ALOX5: variants seen among roughly 807,000 people sequenced by gnomAD.
ALOX5 encodes the protein arachidonate 5-lipoxygenase.
Under a neutral mutation model 87.9 loss-of-function variants are expected in ALOX5, and 64 were observed. The ratio of observed to expected loss-of-function variants is 0.73; its 90% CI spans 0.60 to 0.90. The LOEUF (loss-of-function observed/expected upper bound fraction) is 0.90, where lower values mean the gene tolerates loss of function less well. ALOX5 is among the 40% of genes least tolerant of loss of function. The probability of loss-of-function intolerance (pLI) is 0.00; values close to 1 mark genes in which losing one functional copy is unlikely to be tolerated. For missense variants in ALOX5, 822 were observed against 907.5 expected (o/e 0.91, Z 1.21); for synonymous variants, 388 against 355.1 (o/e 1.09, Z -1.04).
At chr10:45,431,108 TTTATGA>T (rs895090198) in intron 7 of ALOX5, among the ~76,000 whole-genome samples, 25 of 152,210 alleles carry the variant, frequency 1.6e-4, no homozygotes, top group African/African-American at 6.0e-4. Flanking sequence ...AAGGATAAAG[TTTATGA>T]TTATATCAAT....
At position 45,443,717 on chromosome 10, in the gene ALOX5, T is replaced by C. The variant is rs1338033424; in HGVS notation, c.1574-11T>C. ...GGACTGGGCCTCAGCCCGCCGGTGG[T>C]TCCACCCTAGGCTTCCCCAAGTCGG... On this transcript the variant is annotated splice_polypyrimidine_tract_variant and intron_variant, in intron 11 of 13. Transcript: ENST00000374391. The C allele has an allele frequency of 1.2e-6, 2 of 1,609,972 alleles. No homozygotes were observed. The highest frequency in any genetic ancestry group is 2.7e-5 in the African/African-American group (2 of 74,684).
At chr10:45,436,156 C>T (rs955991018) in intron 7 of ALOX5, among the ~76,000 whole-genome samples, 5 of 152,126 alleles carry the variant, frequency 3.3e-5, no homozygotes, top group Admixed American at 6.6e-5. Context: ...GGGTATTAGT[C>T]GTTTGTGGAT....
intron 2 of ALOX5, among the ~76,000 whole-genome samples, chr10:45,392,427 G>C (rs2132707304): frequency 6.6e-6 from 1 of 151,580 alleles, no homozygotes; most frequent in East Asian, 1.9e-4. Flanking sequence ...TGTGCTCTCT[G>C]AAACATGTGC....
At chr10:45,395,268 A>T (rs1840454419) in intron 2 of ALOX5, among the ~76,000 whole-genome samples, 1 of 152,236 alleles carries the variant, frequency 6.6e-6, no homozygotes, top group African/African-American at 2.4e-5. Flanking sequence ...ATGGAATACT[A>T]TGCAGCCATA....
At chr10:45,423,348 C>CA (rs978818981) in intron 4 of ALOX5, among the ~76,000 whole-genome samples, 2 of 152,200 alleles carry the variant, frequency 1.3e-5, no homozygotes, top group Non-Finnish European at 2.9e-5. Context: ...TCATGGTGAA[C>CA]ACTGGGCAGC....
Position 45,374,468 on chromosome 10 carries a change from G to C in ALOX5, c.150+39G>C, listed in dbSNP as rs1309204957. 2.7e-6 allele frequency: 4 copies of C among 1,481,862 alleles called. No individual in the cohort carries two copies. In the African/African-American group the frequency reaches 4.4e-5, roughly 16 times the overall value. The allele number at this position is 1,481,862 out of a possible 1,614,324, so 91.8% of individuals were successfully genotyped here. A position where few individuals can be genotyped will look rare whatever the true frequency, so the allele number is the denominator to read the frequency against. ...GGGCACGGGTGGAGCGCGGGCTGAG[G>C]TGCGTCCGGGACCCGGTTTGGACGG... On this transcript the variant is annotated intron_variant, in intron 1 of 13. Transcript: ENST00000374391.
Position 45,445,662 on chromosome 10 carries a change from G to A in ALOX5, c.2000G>A (p.Arg667Gln), listed in dbSNP as rs758477278. ...QLPYYYLSPD[R>Q]IPNSVAI The stretch of plus-strand genomic sequence containing the variant: ...CCATATTACTACTTGTCCCCAGACC[G>A]GATTCCGAACAGTGTGGCCATCTGA... Residue 667 changes from arginine to glutamine, a missense_variant, in exon 14 of 14, where the codon CGG becomes CAG. Transcript: ENST00000374391. The A allele has an allele frequency of 5.8e-5, 93 of 1,613,864 alleles. No individual in the cohort carries two copies. The highest frequency in any genetic ancestry group is 1.2e-4 in the Admixed American group (7 of 60,000).
At chr10:45,436,134 C>T (rs1842055733) in intron 7 of ALOX5, among the ~76,000 whole-genome samples, 1 of 152,002 alleles carries the variant, frequency 6.6e-6, no homozygotes, top group African/African-American at 2.4e-5. Context: ...TCTTAAGTTC[C>T]TCATAGATTC....
chr10:45,402,079 T>G (rs1237744601), intron 3 of ALOX5, among the ~76,000 whole-genome samples: 1 of 102,172 alleles, frequency 9.8e-6, no homozygotes, highest in Non-Finnish European at 1.8e-5. Context: ...AGAGCGAGAC[T>G]CCGTCTCAAA....
At chr10:45,380,525 G>C (rs1426794356) in intron 1 of ALOX5, among the ~76,000 whole-genome samples, 3 of 152,212 alleles carry the variant, frequency 2.0e-5, no homozygotes, top group Non-Finnish European at 4.4e-5. Flanking sequence ...GGCATGGAAT[G>C]GGGATGCCTG....
chr10:45,377,560 C>T (rs959566466), intron 1 of ALOX5, among the ~76,000 whole-genome samples: 13 of 152,060 alleles, frequency 8.5e-5, no homozygotes, highest in Admixed American at 6.6e-4. Flanking sequence ...TATCCACTAC[C>T]CCAATCCCTC....
At chr10:45,401,068 T>C (rs1840683477) in intron 3 of ALOX5, among the ~76,000 whole-genome samples, 1 of 152,224 alleles carries the variant, frequency 6.6e-6, no homozygotes, top group Admixed American at 6.5e-5. Flanking sequence ...TGGATCATTA[T>C]TGACTTATGA....
At chr10:45,432,623 G>A (rs1242194776) in intron 7 of ALOX5, among the ~76,000 whole-genome samples, 2 of 152,156 alleles carry the variant, frequency 1.3e-5, no homozygotes, top group Non-Finnish European at 2.9e-5. Context: ...GGACTGCTCT[G>A]TCATGCCATT....
intron 2 of ALOX5, among the ~76,000 whole-genome samples, chr10:45,392,992 A>T (rs1840347260): frequency 6.6e-6 from 1 of 152,230 alleles, no homozygotes; most frequent in East Asian, 1.9e-4. Context: ...GTTCAGGACC[A>T]GATGGATTCA....
intron 7 of ALOX5, among the ~76,000 whole-genome samples, chr10:45,433,180 C>T (rs1468289423): frequency 6.6e-6 from 1 of 152,252 alleles, no homozygotes; most frequent in Non-Finnish European, 1.5e-5. Flanking sequence ...GAGCCCCATG[C>T]TCTGCTCATG....
At chr10:45,385,963 G>T (rs980151549) in intron 2 of ALOX5, among the ~76,000 whole-genome samples, 1 of 152,114 alleles carries the variant, frequency 6.6e-6, no homozygotes, top group South Asian at 2.1e-4. Context: ...AGCACTTTGG[G>T]TGGCTAAGGC....
chr10:45,396,067 C>T, intron 3 of ALOX5, 131 bp downstream of exon 3: 1 of 817,932 alleles, frequency 1.2e-6, no homozygotes, highest in East Asian at 2.7e-5. Flanking sequence ...CACCAGCTCC[C>T]AGTGTGGGTG....
At chr10:45,412,851 G>A (rs1345397485) in intron 4 of ALOX5, among the ~76,000 whole-genome samples, 1 of 152,160 alleles carries the variant, frequency 6.6e-6, no homozygotes, top group Non-Finnish European at 1.5e-5. Flanking sequence ...CAGAGATATA[G>A]GTTCTGTGCA....
At position 45,412,179 on chromosome 10, in the gene ALOX5, T is replaced by C. The variant is rs1314579605; in HGVS notation, c.432-12T>C. ...GCATTTAACTCAATTTCTTCTCCTT[T>C]CTCATGCTCAGATGGATGGAGTGGA... On this transcript the variant is annotated splice_polypyrimidine_tract_variant and intron_variant, in intron 3 of 13. Transcript: ENST00000374391. The C allele has an allele frequency of 5.0e-6, 8 of 1,613,946 alleles. No individual in the cohort carries two copies. Among genetic ancestry groups the C allele is most frequent in the Non-Finnish European group, 6.8e-6 (8 of 1,180,014 alleles).
Sources: allele counts gnomAD v4.1 joint callset (sites outside exome capture counted in the v4.1 genomes callset), GRCh38; gene constraint gnomAD v4.1.1; transcripts MANE v1.5; gene names NCBI Gene and HGNC (gene_info 2026-07-23, HGNC 2026-07-21).